CCDC149: variants seen among roughly 807,000 people sequenced by gnomAD.
The protein encoded by CCDC149 is coiled-coil domain-containing protein 149.
In CCDC149, 45 loss-of-function variants were observed where a neutral mutation model predicts 59.9. That is an observed-to-expected ratio of 0.75 (90% confidence interval 0.59 to 0.96). CCDC149 has a LOEUF of 0.96. CCDC149 is among the 40% of genes least tolerant of loss of function. The pLI is 0.00. For missense variants in CCDC149, 584 were observed against 664.7 expected (o/e 0.88, Z 1.33); for synonymous variants, 245 against 260.6 (o/e 0.94, Z 0.58).
chr4:24,834,790 C>T (rs1257598154), intron 8 of CCDC149, among the ~76,000 whole-genome samples, 158 bp downstream of exon 8: 4 of 152,196 alleles, frequency 2.6e-5, no homozygotes, highest in African/African-American at 9.7e-5. Context: ...TTAACAGGCC[C>T]TCCCGGCAAC....
chr4:24,912,869 T>G lies in CCDC149; in HGVS notation c.11A>C (p.Glu4Ala). Reference sequence around the variant, plus strand: ...CTCAGTCCGGTCGCCGTTCATGGCCTCCTCCTCCATGCGCTGGCCGGCCTC... The same window carrying G: ...CTCAGTCCGGTCGCCGTTCATGGCCGCCTCCTCCATGCGCTGGCCGGCCTC... The change falls in exon 1 of 13, where the codon GAG (glutamate) becomes GCG (alanine). Residue 4 changes from glutamate to alanine, a missense_variant. Glu to Ala is a moderately radical substitution (Grantham distance 107, BLOSUM62 -1). Transcript: ENST00000635206. The G allele has an allele frequency of 7.3e-7, 1 of 1,368,492 alleles. No homozygotes were observed. Among genetic ancestry groups the G allele is most frequent in the Non-Finnish European group, 9.6e-7 (1 of 1,045,790 alleles). 84.8% of individuals were successfully genotyped at this position (1,368,492 alleles called of 1,614,324 possible).
intron 3 of CCDC149, among the ~76,000 whole-genome samples, chr4:24,856,225 A>G (rs1234452011): frequency 6.6e-6 from 1 of 152,138 alleles, no homozygotes; most frequent in Non-Finnish European, 1.5e-5. Flanking sequence ...TTGTTCATTC[A>G]TTTATCTGAC....
chr4:24,817,218 G>C (rs1233530434), intron 12 of CCDC149, among the ~76,000 whole-genome samples: 1 of 152,144 alleles, frequency 6.6e-6, no homozygotes, highest in African/African-American at 2.4e-5. Context: ...CAGACAGAAG[G>C]CTTTGGATCT....
At chr4:24,813,493 T>TATATATATATATATATATAC (rs1714773050) in intron 12 of CCDC149, among the ~76,000 whole-genome samples, 2 of 6,112 alleles carry the variant, frequency 3.3e-4, no homozygotes, top group African/African-American at 5.2e-4. Flanking sequence ...TTGGGGAATA[T>TATATATATATATATATATAC]ATATATATAT....
chr4:24,961,372 T>C (rs2110459), intron 1 of CCDC149, among the ~76,000 whole-genome samples: 26,841 of 152,150 alleles, frequency 0.18, 3,182 homozygotes, highest in African/African-American at 0.32. Flanking sequence ...ATCGTGAAAA[T>C]GGCCATACTG....
chr4:24,878,037 C>T (rs572423743), intron 1 of CCDC149, among the ~76,000 whole-genome samples: 7 of 152,204 alleles, frequency 4.6e-5, no homozygotes, highest in South Asian at 4.2e-4. Flanking sequence ...TCATTATGGA[C>T]GCTCACACAA....
At chr4:24,847,206 A>G (rs1481658135) in intron 4 of CCDC149, among the ~76,000 whole-genome samples, 5 of 152,220 alleles carry the variant, frequency 3.3e-5, no homozygotes, top group African/African-American at 1.2e-4. Flanking sequence ...GGAAGATCTT[A>G]AGATTTCTGG....
intron 3 of CCDC149, among the ~76,000 whole-genome samples, chr4:24,862,038 A>C (rs529523671): frequency 3.3e-5 from 5 of 152,048 alleles, no homozygotes; most frequent in Non-Finnish European, 5.9e-5. Context: ...GAAGAGAGAG[A>C]CTCCTATCAC....
chr4:24,853,748 C>A (rs1717825309), intron 3 of CCDC149, among the ~76,000 whole-genome samples: 1 of 152,116 alleles, frequency 6.6e-6, no homozygotes, highest in Non-Finnish European at 1.5e-5. Context: ...TATGTTGTCT[C>A]ATGAGCTTTC....
At chr4:24,978,515 G>A (rs951219123) in intron 1 of CCDC149, among the ~76,000 whole-genome samples, 1 of 152,070 alleles carries the variant, frequency 6.6e-6, no homozygotes, top group Non-Finnish European at 1.5e-5. Flanking sequence ...GGGATGGTTC[G>A]TTGTTGGCGT....
At chr4:24,924,090 G>A (rs912705716) in intron 1 of CCDC149, among the ~76,000 whole-genome samples, 1 of 152,178 alleles carries the variant, frequency 6.6e-6, no homozygotes, top group African/African-American at 2.4e-5. Context: ...TATTCCATTA[G>A]TGAGAACAGA....
intron 1 of CCDC149, among the ~76,000 whole-genome samples, chr4:24,918,178 A>C (rs974955575): frequency 6.6e-6 from 1 of 152,200 alleles, no homozygotes; most frequent in Non-Finnish European, 1.5e-5. Flanking sequence ...AGAAGAGAAT[A>C]AACATGATCA....
intron 1 of CCDC149, among the ~76,000 whole-genome samples, chr4:24,924,990 T>C (rs1314524020): frequency 6.6e-6 from 1 of 152,218 alleles, no homozygotes; most frequent in Non-Finnish European, 1.5e-5. Context: ...CAAAGTTTTG[T>C]CCTGTTACTA....
intron 4 of CCDC149, among the ~76,000 whole-genome samples, chr4:24,843,541 T>C (rs1482874049): frequency 1.3e-5 from 2 of 152,236 alleles, no homozygotes; most frequent in Non-Finnish European, 2.9e-5. Context: ...GGGCCACCTA[T>C]TGTGTACACC....
At position 24,837,207 on chromosome 4, in the gene CCDC149, G is replaced by C; in HGVS notation, c.662+21C>G. ...AGAGCCAGCCTTCCTCCCACGCACA[G>C]GCCTGGGCCTGGCCACTTGCCTGTT... On this transcript the variant is annotated intron_variant, in intron 6 of 12. Coordinates refer to ENST00000635206, the MANE Select transcript of CCDC149 (RefSeq NM_001330643.2). This position sits in a 1 kb window ranked among gnomAD's most constrained non-coding sequence, Gnocchi z 4.3. The C allele has an allele frequency of 2.5e-6, 4 of 1,613,126 alleles. No individual in the cohort carries two copies. Among genetic ancestry groups the C allele is most frequent in the Non-Finnish European group, 3.4e-6 (4 of 1,179,244 alleles).
intron 1 of CCDC149, among the ~76,000 whole-genome samples, chr4:24,954,525 C>T (rs1723407043): frequency 6.6e-6 from 1 of 152,230 alleles, no homozygotes; most frequent in African/African-American, 2.4e-5. Flanking sequence ...GCATTAGCAC[C>T]ATGTGGATGC....
At chr4:24,952,863 C>T (rs1723357626) in intron 1 of CCDC149, among the ~76,000 whole-genome samples, 1 of 151,806 alleles carries the variant, frequency 6.6e-6, no homozygotes, top group African/African-American at 2.4e-5. Context: ...CTGGCAACCA[C>T]CATTCTACTT....
Position 24,873,722 on chromosome 4 carries a change from A to G in CCDC149, c.226-3T>C. 1.9e-6 allele frequency: 3 copies of G among 1,605,254 alleles called. No homozygotes were observed. Among genetic ancestry groups the G allele is most frequent in the Non-Finnish European group, 2.6e-6 (3 of 1,172,662 alleles). On this transcript the variant is annotated splice_polypyrimidine_tract_variant and splice_region_variant and intron_variant, in intron 2 of 12. Coordinates refer to ENST00000635206, the MANE Select transcript of CCDC149 (RefSeq NM_001330643.2). The stretch of plus-strand genomic sequence containing the variant: ...GGAGGAAGTGATGGATCTCCATCCT[A>G]CAAAGAAACAAATGCTGCATTTTAC...
At chr4:24,851,644 TA>T (rs1717664552) in intron 4 of CCDC149, among the ~76,000 whole-genome samples, 1 of 152,234 alleles carries the variant, frequency 6.6e-6, no homozygotes, top group Admixed American at 6.5e-5. Context: ...AGTCACATCT[TA>T]AATATGTTTC....
Sources: gnomAD v4.1 joint callset for allele counts (sites outside exome capture counted in the v4.1 genomes callset) on GRCh38, gnomAD v4.1.1 for gene constraint, Gnocchi (gnomAD v3.1) non-coding constraint, MANE v1.5 for transcripts, NCBI Gene and HGNC (gene_info 2026-07-23, HGNC 2026-07-21) for gene names.